The following ATP13A4 variants were observed in gnomAD, a reference collection of about 807,000 sequenced individuals.
ATP13A4 encodes the protein ATPase 13A4.
A neutral mutation model predicts 142.5 loss-of-function variants in ATP13A4; 114 were observed. The ratio of observed to expected loss-of-function variants is 0.80; its 90% CI spans 0.69 to 0.93. The LOEUF (loss-of-function observed/expected upper bound fraction) is 0.93. Among genes scored for constraint, ATP13A4 ranks in the 40% least tolerant of loss-of-function variants. ATP13A4 has a pLI of 0.00. For missense variants in ATP13A4, 1,392 were observed against 1,454.0 expected (o/e 0.96, Z 0.69); for synonymous variants, 488 against 514.8 (o/e 0.95, Z 0.70).
chr3:193,420,171 C>G lies in ATP13A4; in HGVS notation c.2843-5421G>C, dbSNP rs191732138. On this transcript the variant is annotated intron_variant, in intron 25 of 29. Coordinates refer to ENST00000342695, the MANE Select transcript of ATP13A4 (RefSeq NM_032279.4). ...CTGCTATAACCCAGCACTACTGCAGCTGCTTATAGGTCATGCCAGACCTGA... is the reference window on the plus strand; with the variant it reads ...CTGCTATAACCCAGCACTACTGCAGGTGCTTATAGGTCATGCCAGACCTGA... Among the ~76,000 whole-genome samples the G allele has an allele frequency of 9.8e-4, 147 of 149,964 alleles. 6 individuals carry two copies. The highest frequency in any genetic ancestry group is 3.5e-3 in the African/African-American group (142 of 40,762).
chr3:193,580,673 A>G (rs902999293), intron 2 of ATP13A4, among the ~76,000 whole-genome samples: 1 of 152,226 alleles, frequency 6.6e-6, no homozygotes, highest in Non-Finnish European at 1.5e-5. Flanking sequence ...AGCAAAGAGG[A>G]AATGAACCAG....
chr3:193,463,703 G>C (rs1210725507), intron 12 of ATP13A4, among the ~76,000 whole-genome samples: 4 of 152,046 alleles, frequency 2.6e-5, no homozygotes, highest in Non-Finnish European at 5.9e-5. Flanking sequence ...TACAAATTGA[G>C]GTCACAATTA....
At position 193,466,103 on chromosome 3, in the gene ATP13A4, G is replaced by A. The variant is rs1406123068; in HGVS notation, c.1194C>T (p.Ala398=). 1.2e-6 allele frequency: 2 copies of A among 1,613,966 alleles called. No homozygotes were observed. Among genetic ancestry groups the A allele is most frequent in the African/African-American group, 1.3e-5 (1 of 74,904 alleles). The change falls in exon 11 of 30, where the codon GCC becomes GCT. Residue 398 remains alanine (A), a synonymous_variant. Transcript: ENST00000342695. ...KPVNFQLYRD[A]IRFLLCLVGT... ...CTACAAGGCACAGGAGGAACCTGATGGCATCCCTGTACAACTGAAAATTCA... is the reference window on the plus strand; with the variant it reads ...CTACAAGGCACAGGAGGAACCTGATAGCATCCCTGTACAACTGAAAATTCA...
At chr3:193,559,597 C>T (rs1723971552), upstream of ATP13A4, among the ~76,000 whole-genome samples, 1 of 152,178 alleles carries the variant, frequency 6.6e-6, no homozygotes, top group Non-Finnish European at 1.5e-5. Context: ...AAACATTTAG[C>T]AACCCTTAGA....
chr3:193,574,149 C>G (rs996801142), intron 2 of ATP13A4, among the ~76,000 whole-genome samples: 6 of 152,054 alleles, frequency 3.9e-5, no homozygotes, highest in Admixed American at 2.6e-4. Flanking sequence ...CCATATTTTC[C>G]AAATTTCAGA....
chr3:193,584,310 T>C (rs1724628697), intron 1 of ATP13A4, among the ~76,000 whole-genome samples: 1 of 152,064 alleles, frequency 6.6e-6, no homozygotes, highest in Non-Finnish European at 1.5e-5. Flanking sequence ...GCTTTGAAGA[T>C]GGAAATGAGA....
At chr3:193,415,342 C>G (rs955914467) in intron 25 of ATP13A4, among the ~76,000 whole-genome samples, 1 of 152,118 alleles carries the variant, frequency 6.6e-6, no homozygotes, top group Non-Finnish European at 1.5e-5. Context: ...CACATCTCCA[C>G]AGAAATATCA....
intron 1 of ATP13A4, among the ~76,000 whole-genome samples, chr3:193,584,913 A>G (rs574532292): frequency 6.6e-6 from 1 of 152,300 alleles, no homozygotes; most frequent in South Asian, 2.1e-4. Flanking sequence ...TGAGACTTCT[A>G]TCATGATATG....
At chr3:193,576,550 C>A (rs751409866) in intron 2 of ATP13A4, among the ~76,000 whole-genome samples, 1 of 152,014 alleles carries the variant, frequency 6.6e-6, no homozygotes, top group Non-Finnish European at 1.5e-5. Flanking sequence ...GGATTACAGG[C>A]GTGAGCCACC....
At chr3:193,557,807 G>A (rs1438354797), upstream of ATP13A4, among the ~76,000 whole-genome samples, 2 of 152,214 alleles carry the variant, frequency 1.3e-5, no homozygotes, top group Non-Finnish European at 2.9e-5. Flanking sequence ...AAAGGCCTTG[G>A]AAAGAGCCAA....
intron 2 of ATP13A4, among the ~76,000 whole-genome samples, chr3:193,572,140 C>T (rs963220288): frequency 1.3e-5 from 2 of 152,022 alleles, no homozygotes; most frequent in Non-Finnish European, 2.9e-5. Flanking sequence ...CCCAGCTACT[C>T]GGGAGGCTAA....
chr3:193,453,706 TTA>T (rs754520863), intron 17 of ATP13A4, among the ~76,000 whole-genome samples: 41 of 152,306 alleles, frequency 2.7e-4, no homozygotes, highest in Non-Finnish European at 5.6e-4. Flanking sequence ...CTGGTAAATG[TTA>T]TGTTTCATAA....
intron 13 of ATP13A4, 36 bp from the exon 14 acceptor site, chr3:193,459,267 G>A (rs910952355): frequency 1.1e-5 from 18 of 1,612,990 alleles, no homozygotes; most frequent in Non-Finnish European, 1.4e-5. Flanking sequence ...CCATTCCATC[G>A]CCTCATGCCA....
intron 1 of ATP13A4, among the ~76,000 whole-genome samples, chr3:193,516,803 G>C (rs932299700): frequency 6.6e-6 from 1 of 152,136 alleles, no homozygotes; most frequent in South Asian, 2.1e-4. Flanking sequence ...GCTACGCAGT[G>C]AGGGCTCTCT....
intron 2 of ATP13A4, among the ~76,000 whole-genome samples, chr3:193,581,081 T>A (rs1453582038): frequency 6.6e-6 from 1 of 152,214 alleles, no homozygotes; most frequent in Non-Finnish European, 1.5e-5. Context: ...CTGACATGAA[T>A]ATGGGTTGTA....
chr3:193,508,818 T>A (rs1166379387), intron 2 of ATP13A4, among the ~76,000 whole-genome samples: 1 of 152,184 alleles, frequency 6.6e-6, no homozygotes, highest in South Asian at 2.1e-4. Flanking sequence ...ATCCTTGAGA[T>A]AAAATTCTGG....
At chr3:193,418,883 G>GGACT (rs1202358318) in intron 25 of ATP13A4, 2 of 150,600 alleles carry the variant, frequency 1.3e-5, no homozygotes, top group Admixed American at 6.8e-5. Flanking sequence ...AACGGCTGCT[G>GGACT]GACTACTCCT....
chr3:193,437,966 G>C (rs1716392367), intron 23 of ATP13A4, among the ~76,000 whole-genome samples: 2 of 151,366 alleles, frequency 1.3e-5, no homozygotes, highest in African/African-American at 2.4e-5. Flanking sequence ...CAAGTAGCTG[G>C]GACTGCAGGA....
chr3:193,522,787 A>G (rs1000810248), intron 1 of ATP13A4, among the ~76,000 whole-genome samples: 3 of 152,316 alleles, frequency 2.0e-5, no homozygotes, highest in Middle Eastern at 3.4e-3. Flanking sequence ...ATAGCCAGAC[A>G]GTGGTTTCTA....
Sources: gnomAD v4.1 joint callset for allele counts (sites outside exome capture counted in the v4.1 genomes callset) on GRCh38, gnomAD v4.1.1 for gene constraint, MANE v1.5 for transcripts, NCBI Gene and HGNC (gene_info 2026-07-23, HGNC 2026-07-21) for gene names.